GALNTL6: variants seen among roughly 807,000 people sequenced by gnomAD.
The protein encoded by GALNTL6 is polypeptide N-acetylgalactosaminyltransferase-like 6.
GALNTL6 carries 46 observed loss-of-function variants against 73.7 expected under a neutral mutation model. The observed-to-expected ratio is 0.62, with a 90% confidence interval of 0.49 to 0.80. The LOEUF (loss-of-function observed/expected upper bound fraction) is 0.80, where lower values mean the gene tolerates loss of function less well. GALNTL6 is among the 30% of genes least tolerant of loss of function. GALNTL6 has a pLI of 0.00. For synonymous variants in GALNTL6, 259 were observed against 263.7 expected (o/e 0.98, Z 0.17); for missense variants, 604 against 755.0 (o/e 0.80, Z 2.34).
intron 7 of GALNTL6, among the ~76,000 whole-genome samples, chr4:172,840,096 A>G (rs563667448): frequency 6.6e-6 from 1 of 152,338 alleles, no homozygotes; most frequent in South Asian, 2.1e-4. Flanking sequence ...TGCACAAAAA[A>G]AGGAACCCTG....
At chr4:172,484,134 A>G (rs1733590604) in intron 5 of GALNTL6, among the ~76,000 whole-genome samples, 1 of 152,208 alleles carries the variant, frequency 6.6e-6, no homozygotes, top group African/African-American at 2.4e-5. Flanking sequence ...ATTCCTTTTC[A>G]TATTACTTAG....
intron 5 of GALNTL6, among the ~76,000 whole-genome samples, chr4:172,721,759 A>G (rs1735486562): frequency 6.6e-6 from 1 of 152,168 alleles, no homozygotes; most frequent in Admixed American, 6.5e-5. Context: ...ATCTAAATCA[A>G]TACTTTATGT....
chr4:172,578,426 A>G (rs1035903994), intron 5 of GALNTL6, among the ~76,000 whole-genome samples: 1 of 152,192 alleles, frequency 6.6e-6, no homozygotes, highest in African/African-American at 2.4e-5. Flanking sequence ...TGATATGTTT[A>G]TTTACTTTGA....
intron 5 of GALNTL6, among the ~76,000 whole-genome samples, chr4:172,677,902 A>G (rs1732398810): frequency 6.6e-6 from 1 of 152,228 alleles, no homozygotes; most frequent in Non-Finnish European, 1.5e-5. Flanking sequence ...GCAGAGAATG[A>G]AAATTCTCAC....
At chr4:172,841,183 G>A (rs1743186044) in intron 7 of GALNTL6, among the ~76,000 whole-genome samples, 1 of 152,134 alleles carries the variant, frequency 6.6e-6, no homozygotes, top group African/African-American at 2.4e-5. Context: ...TGAAGCCTCA[G>A]AAATATGCTA....
chr4:172,450,132 G>A (rs1445710437), intron 5 of GALNTL6, among the ~76,000 whole-genome samples: 4 of 151,594 alleles, frequency 2.6e-5, no homozygotes, highest in Non-Finnish European at 5.9e-5. Context: ...CAGGAGAATT[G>A]CTTGAACCCG....
intron 2 of GALNTL6, among the ~76,000 whole-genome samples, chr4:171,931,580 C>A (rs570956221): frequency 1.3e-5 from 2 of 152,260 alleles, no homozygotes; most frequent in African/African-American, 4.8e-5. Context: ...CTATTAACGA[C>A]TAAAAGTTCA....
chr4:171,970,618 A>T (rs11938307), intron 2 of GALNTL6, among the ~76,000 whole-genome samples: 8,646 of 152,218 alleles, frequency 0.057, 636 homozygotes, highest in African/African-American at 0.17. Flanking sequence ...GGATTAGCCC[A>T]ATACTTTATA....
At chr4:171,915,132 A>G (rs1300380432) in intron 2 of GALNTL6, among the ~76,000 whole-genome samples, 1 of 152,184 alleles carries the variant, frequency 6.6e-6, no homozygotes, top group Non-Finnish European at 1.5e-5. Flanking sequence ...TAAATTTCCT[A>G]TAAAAATGTA....
chr4:171,845,690 A>G (rs1735350631), intron 2 of GALNTL6, among the ~76,000 whole-genome samples: 1 of 152,202 alleles, frequency 6.6e-6, no homozygotes, highest in Non-Finnish European at 1.5e-5. Context: ...AAGACACAAG[A>G]TGGAAGGAGA....
intron 2 of GALNTL6, among the ~76,000 whole-genome samples, chr4:171,958,076 A>G (rs1365136846): frequency 1.3e-5 from 2 of 152,212 alleles, no homozygotes; most frequent in Admixed American, 6.5e-5. Context: ...CTAATGCAGT[A>G]AGAATGAAAA....
intron 2 of GALNTL6, among the ~76,000 whole-genome samples, chr4:172,208,387 AG>A (rs1366530959): frequency 3.9e-5 from 6 of 152,348 alleles, no homozygotes; most frequent in African/African-American, 1.4e-4. Context: ...AAAAATGTTG[AG>A]TTCTTAAAAC....
intron 3 of GALNTL6, among the ~76,000 whole-genome samples, chr4:172,284,290 C>T (rs1301599959): frequency 6.6e-6 from 1 of 152,038 alleles, no homozygotes; most frequent in East Asian, 1.9e-4. Context: ...TACTTTTTTT[C>T]ACATACATTT....
chr4:172,654,825 A>C (rs1730894765), intron 5 of GALNTL6, among the ~76,000 whole-genome samples: 1 of 152,242 alleles, frequency 6.6e-6, no homozygotes, highest in Non-Finnish European at 1.5e-5. Context: ...AAGCAAAATT[A>C]GCTTAGAATT....
At chr4:171,949,524 C>T (rs189610757) in intron 2 of GALNTL6, among the ~76,000 whole-genome samples, 26 of 151,972 alleles carry the variant, frequency 1.7e-4, no homozygotes, top group Admixed American at 1.3e-3. Context: ...GGGAAAAAAG[C>T]GTAATGTATA....
At chr4:172,577,999 C>T (rs554888350) in intron 5 of GALNTL6, among the ~76,000 whole-genome samples, 1 of 152,106 alleles carries the variant, frequency 6.6e-6, no homozygotes, top group African/African-American at 2.4e-5. Flanking sequence ...AATCACCAGG[C>T]CTTGTGATTT....
At chr4:171,889,057 A>G (rs559247401) in intron 2 of GALNTL6, among the ~76,000 whole-genome samples, 52 of 152,234 alleles carry the variant, frequency 3.4e-4, no homozygotes, top group African/African-American at 1.2e-3. Context: ...AAGAGAAAGA[A>G]AATCACAACT....
chr4:172,705,511 T>A (rs923018176), intron 5 of GALNTL6, among the ~76,000 whole-genome samples: 1 of 152,022 alleles, frequency 6.6e-6, no homozygotes, highest in African/African-American at 2.4e-5. Flanking sequence ...GACTTTTTGT[T>A]GTTCCAATTT....
chr4:173,036,196 T>C lies in GALNTL6; in HGVS notation c.1639-3737T>C, dbSNP rs145905712. Among the ~76,000 whole-genome samples, 1,072 of 152,312 alleles carry C rather than the reference T, an allele frequency of 7.0e-3. 4 individuals are homozygous for C. The highest frequency in any genetic ancestry group is 0.011 in the Non-Finnish European group (733 of 68,022). ...ATGACTGTTGTCTCTCCGCCCCCTA[T>C]GTGGTAGTTTCATTCTTGGAATCAC... is the stretch of plus-strand genomic sequence containing the variant. On this transcript the variant is annotated intron_variant, in intron 12 of 12. Coordinates refer to ENST00000506823, the MANE Select transcript of GALNTL6 (RefSeq NM_001034845.3).
Sources: gnomAD v4.1 joint callset for allele counts (sites outside exome capture counted in the v4.1 genomes callset) on GRCh38, gnomAD v4.1.1 for gene constraint, MANE v1.5 for transcripts, NCBI Gene and HGNC (gene_info 2026-07-23, HGNC 2026-07-21) for gene names.